The following FANCI variants were observed in gnomAD, a reference collection of about 807,000 sequenced individuals.
FANCI encodes the protein FA complementation group I, also known as Fanconi anemia group I protein.
FANCI carries 156 observed loss-of-function variants against 176.1 expected under a neutral mutation model. The ratio of observed to expected loss-of-function variants is 0.89; its 90% confidence interval spans 0.78 to 1.01. The LOEUF (loss-of-function observed/expected upper bound fraction) is 1.01, where lower values mean the gene tolerates loss of function less well. Among genes scored for constraint, FANCI ranks in the 50% least tolerant of loss-of-function variants. The pLI is 0.00. For missense variants in FANCI, 1,678 were observed against 1,534.1 expected, an observed-to-expected ratio of 1.09 and a Z score of -1.57; for synonymous variants, 613 against 541.7, an observed-to-expected ratio of 1.13 and a Z score of -1.83.
At chr15:89,247,752 T>C (rs2052052152) in intron 2 of FANCI, 21 bp downstream of exon 2, 1 of 1,607,576 alleles carries the variant, frequency 6.2e-7, no homozygotes, top group African/African-American at 1.3e-5. Context: ...GGAAGCATGT[T>C]CTGCTAAAAG....
intron 24 of FANCI, among the ~76,000 whole-genome samples, chr15:89,297,558 A>T (rs1281598253): frequency 6.6e-6 from 1 of 152,192 alleles, no homozygotes; most frequent in East Asian, 1.9e-4. Context: ...TAGGAGCTGG[A>T]GACCAACCCG....
In FANCI at chr15:89,258,699, T is replaced by C. The variant is rs144312745; in HGVS notation, c.85-5T>C. On this transcript the variant is annotated splice_polypyrimidine_tract_variant and splice_region_variant and intron_variant, in intron 2 of 37. Coordinates refer to ENST00000310775, the MANE Select transcript of FANCI (RefSeq NM_001113378.2). ...AGAGACTTGTACCTTTTTCTTTCTT[T>C]GCAGTTGACTAATCTCCTTCAGAAT... 6.2e-7 allele frequency: 1 copy of C among 1,612,074 alleles called. No homozygotes were observed. Among genetic ancestry groups the C allele is most frequent in the African/African-American group, 1.3e-5 (1 of 75,030 alleles).
At chr15:89,265,944 C>G (rs888781632) in intron 9 of FANCI, among the ~76,000 whole-genome samples, 7 of 151,146 alleles carry the variant, frequency 4.6e-5, no homozygotes, top group South Asian at 2.1e-4. Context: ...AATCGAGAGA[C>G]AAAGAATTTA....
chr15:89,258,313 G>A (rs2052581770), intron 2 of FANCI, among the ~76,000 whole-genome samples: 1 of 151,782 alleles, frequency 6.6e-6, no homozygotes, highest in Non-Finnish European at 1.5e-5. Flanking sequence ...CTCTTATTTG[G>A]TTCTTTTACA....
In FANCI at chr15:89,305,109, T is replaced by TC. The variant is rs1317953100; in HGVS notation, c.3059-4dup. On this transcript the variant is annotated splice_region_variant and splice_polypyrimidine_tract_variant and intron_variant, in intron 28 of 37. Coordinates refer to ENST00000310775, the MANE Select transcript of FANCI (RefSeq NM_001113378.2). ...CCTTTTAATTTGCTTTTCTTCCTAT[T>TC]CCTAGAGGATGCCTTGTTTTGCAAG... The TC allele has an allele frequency of 1.3e-5, 21 of 1,613,930 alleles. No individual in the cohort carries two copies. Among genetic ancestry groups the TC allele is most frequent in the Non-Finnish European group, 1.8e-5 (21 of 1,179,980 alleles).
At chr15:89,289,333 T>C (rs912462251) in intron 18 of FANCI, among the ~76,000 whole-genome samples, 4 of 152,190 alleles carry the variant, frequency 2.6e-5, no homozygotes, top group African/African-American at 7.2e-5. Flanking sequence ...AGTCTCACTC[T>C]GTTGCCCAGA....
intron 13 of FANCI, among the ~76,000 whole-genome samples, chr15:89,277,165 T>G (rs2053439652): frequency 6.6e-6 from 1 of 152,216 alleles, no homozygotes; most frequent in Non-Finnish European, 1.5e-5. Flanking sequence ...TTTTTCATGA[T>G]TTTTCCTTCT....
chr15:89,283,026 C>T, intron 16 of FANCI, 110 bp from the exon 17 acceptor site: 1 of 1,059,898 alleles, frequency 9.4e-7, no homozygotes, highest in Non-Finnish European at 1.5e-6. Context: ...CTCTACGCTT[C>T]ATTGTTTATA....
intron 24 of FANCI, among the ~76,000 whole-genome samples, chr15:89,298,896 G>A (rs576875324): frequency 2.6e-5 from 4 of 152,272 alleles, no homozygotes; most frequent in South Asian, 2.1e-4. Context: ...CTGGCCGGGC[G>A]TGGTAGCTCA....
At chr15:89,250,433 C>G (rs1215409135) in intron 2 of FANCI, among the ~76,000 whole-genome samples, 1 of 151,846 alleles carries the variant, frequency 6.6e-6, no homozygotes, top group African/African-American at 2.4e-5. Flanking sequence ...TCTCAGCAAA[C>G]TATCGCAAGG....
intron 24 of FANCI, among the ~76,000 whole-genome samples, chr15:89,299,034 C>G (rs1025410271): frequency 6.6e-6 from 1 of 151,876 alleles, no homozygotes; most frequent in Admixed American, 6.6e-5. Context: ...ATTAGCTGGG[C>G]GTGGTGGTAT....
intron 18 of FANCI, among the ~76,000 whole-genome samples, chr15:89,288,202 G>C (rs892110181): frequency 6.6e-6 from 1 of 152,190 alleles, no homozygotes; most frequent in Admixed American, 6.5e-5. Context: ...TCTTTAGGGT[G>C]AGCTTTGTGT....
rs1273833992 is a variant in FANCI, at chr15:89,293,883, T to C, written c.2342T>C (p.Leu781Pro). The change falls in exon 23 of 38, where the codon CTC (leucine) becomes CCC (proline). Residue 781 changes from leucine to proline, a missense_variant. By Grantham distance (98) the Leu-to-Pro change is moderately conservative. Around this residue, in one of 3 missense-constraint regions of FANCI, gnomAD observed 1,204 missense variants for 1,077.4 expected, o/e 1.12. Transcript: ENST00000310775. Reference protein sequence around the residue: ...ILSLFMCYKKLSDILNEKAGK... With the variant: ...ILSLFMCYKKPSDILNEKAGK... ...AGCTTATTTATGTGTTACAAAAAAC[T>C]CTCTGACATTCTTAATGAAAAAGCG... The C allele has an allele frequency of 6.2e-7, 1 of 1,614,062 alleles. No individual in the cohort carries two copies. Among genetic ancestry groups the C allele is most frequent in the East Asian group, 2.2e-5 (1 of 44,870 alleles).
intron 2 of FANCI, among the ~76,000 whole-genome samples, chr15:89,252,997 A>G (rs1451686366): frequency 1.3e-5 from 2 of 152,222 alleles, no homozygotes; most frequent in Non-Finnish European, 2.9e-5. Context: ...AGTTAGGGAA[A>G]AGCTGAAAAG....
chr15:89,281,624 G>C, intron 15 of FANCI, 141 bp from the exon 16 acceptor site: 1 of 847,550 alleles, frequency 1.2e-6, no homozygotes, highest in Non-Finnish European at 2.0e-6. Context: ...TATTGTCCTT[G>C]TTAACTGTAA....
Position 89,276,815 on chromosome 15 carries a change from C to T in FANCI, c.1217C>T (p.Thr406Ile). 1 of 1,614,148 alleles carries T rather than the reference C, an allele frequency of 6.2e-7. No homozygotes were observed. The highest frequency in any genetic ancestry group is 8.5e-7 in the Non-Finnish European group (1 of 1,180,016). The change falls in exon 13 of 38, where the codon ACC (threonine) becomes ATC (isoleucine). Residue 406 changes from threonine to isoleucine, a missense_variant. By Grantham distance (89) the Thr-to-Ile change is moderately conservative. Coordinates refer to ENST00000310775, the MANE Select transcript of FANCI (RefSeq NM_001113378.2). ...KKVLDGKTIE[T>I]SPSLSRMPNQ... ...GTTCTTGATGGAAAAACTATTGAAA[C>T]CAGCCCAAGTCTTTCTAGAATGCCA... is the stretch of plus-strand genomic sequence containing the variant.
chr15:89,307,452 A>C, intron 32 of FANCI, 24 bp from the exon 33 acceptor site: 1 of 1,609,620 alleles, frequency 6.2e-7, no homozygotes, highest in Non-Finnish European at 8.5e-7. Context: ...CAGTCTACTA[A>C]ATCTAGGAAT....
chr15:89,288,284 C>G (rs1341170989), intron 18 of FANCI, among the ~76,000 whole-genome samples: 2 of 152,148 alleles, frequency 1.3e-5, no homozygotes, highest in Non-Finnish European at 2.9e-5. Flanking sequence ...GATAGGCAGT[C>G]TTAGACTTCA....
intron 23 of FANCI, 117 bp from the exon 24 acceptor site, chr15:89,294,798 A>G: frequency 9.4e-7 from 1 of 1,060,056 alleles, no homozygotes; most frequent in Non-Finnish European, 1.3e-6. Flanking sequence ...GTCGGAACTT[A>G]CTGGCAAGCT....
Sources: gnomAD v4.1 joint callset for allele counts (sites outside exome capture counted in the v4.1 genomes callset) on GRCh38, gnomAD v4.1.1 for gene constraint, gnomAD v4.1.1 regional missense constraint, MANE v1.5 for transcripts, NCBI Gene and HGNC (gene_info 2026-07-23, HGNC 2026-07-21) for gene names.